Variants in CDH10 observed in about 807,000 individuals in gnomAD.
CDH10 encodes the protein cadherin-10.
In CDH10, 30 loss-of-function variants were observed where a neutral mutation model predicts 73.1. The observed-to-expected ratio is 0.41, with a 90% confidence interval of 0.31 to 0.56. The LOEUF is 0.56. CDH10 is among the 20% of genes least tolerant of loss of function. The pLI, the probability that CDH10 is intolerant of heterozygous loss-of-function variation, is 0.27. For synonymous variants in CDH10, 345 were observed against 348.2 expected, an observed-to-expected ratio of 0.99 and a Z score of 0.10; for missense variants, 815 against 973.7, an observed-to-expected ratio of 0.84 and a Z score of 2.17.
chr5:24,610,434 AT>A (rs1746904977), intron 1 of CDH10, among the ~76,000 whole-genome samples: 1 of 152,100 alleles, frequency 6.6e-6, no homozygotes, highest in Admixed American at 6.6e-5. Context: ...TGCTAATTGT[AT>A]TTGATTAAAT....
At chr5:24,556,868 A>G (rs1468282084) in intron 2 of CDH10, among the ~76,000 whole-genome samples, 1 of 151,892 alleles carries the variant, frequency 6.6e-6, no homozygotes, top group African/African-American at 2.4e-5. Flanking sequence ...ATTATTACAC[A>G]TTCAATTGGT....
At chr5:24,589,656 C>T (rs1746136016) in intron 2 of CDH10, among the ~76,000 whole-genome samples, 4 of 151,814 alleles carry the variant, frequency 2.6e-5, no homozygotes, top group Non-Finnish European at 2.9e-5. Context: ...ATATTTGTTA[C>T]AACTAAAAGT....
rs1193256797 is a variant in CDH10, at chr5:24,509,828, A to T, written c.1003-9T>A. 3.8e-6 allele frequency: 6 copies of T among 1,594,758 alleles called. No individual in the cohort carries two copies. Among genetic ancestry groups the T allele is most frequent in the Non-Finnish European group, 4.3e-6 (5 of 1,171,488 alleles). ...CTCTCATAGTCGAGTGGCTGTATAAAAAAATAAATCATCAAATTAGAGTGA... is the reference window on the plus strand; with the variant it reads ...CTCTCATAGTCGAGTGGCTGTATAATAAAATAAATCATCAAATTAGAGTGA... On this transcript the variant is annotated splice_polypyrimidine_tract_variant and intron_variant, in intron 6 of 11. Transcript: ENST00000264463.
At chr5:24,557,039 A>C (rs1275518643) in intron 2 of CDH10, among the ~76,000 whole-genome samples, 1 of 151,800 alleles carries the variant, frequency 6.6e-6, no homozygotes, top group Non-Finnish European at 1.5e-5. Flanking sequence ...TGCCTAGACA[A>C]ACTCATTTGA....
In CDH10 at chr5:24,487,999, A is replaced by T. The variant is rs2111609207; in HGVS notation, c.2031T>A (p.Asn677Lys). The T allele has an allele frequency of 8.1e-6, 13 of 1,613,878 alleles. No homozygotes were observed. Among genetic ancestry groups the T allele is most frequent in the Non-Finnish European group, 1.0e-5 (12 of 1,179,946 alleles). The change falls in exon 12 of 12, where the codon AAT becomes AAA. Residue 677 changes from asparagine (N) to lysine (K), a missense_variant. Physicochemically the swap from Asn to Lys is moderately conservative, Grantham distance 94 (BLOSUM62 0). Coordinates refer to ENST00000264463, the MANE Select transcript of CDH10 (RefSeq NM_006727.5). ...TQAFDIGTLRNPAAIEEKKLR... is the reference protein window; with the variant it reads ...TQAFDIGTLRKPAAIEEKKLR... ...GCTTTTTTTCCTCAATGGCTGCAGG[A>T]TTCCTCAGGGTGCCGATATCAAAGG...
chr5:24,563,402 GA>G (rs1269028951), intron 2 of CDH10, among the ~76,000 whole-genome samples: 2 of 149,384 alleles, frequency 1.3e-5, no homozygotes, highest in African/African-American at 4.9e-5. Context: ...TCCTCCACTA[GA>G]AAGATTTACA....
chr5:24,585,898 T>C (rs887319534), intron 2 of CDH10, among the ~76,000 whole-genome samples: 3 of 152,196 alleles, frequency 2.0e-5, no homozygotes, highest in African/African-American at 7.2e-5. Context: ...TCTGCTAGAC[T>C]CAGGAAAATC....
intron 2 of CDH10, among the ~76,000 whole-genome samples, chr5:24,573,668 TC>T (rs1745484016): frequency 7.1e-6 from 1 of 139,870 alleles, no homozygotes; most frequent in Admixed American, 7.5e-5. Context: ...GCCACTGCAG[TC>T]CAGCCTGGGC....
At chr5:24,537,137 T>C (rs867879169) in intron 3 of CDH10, among the ~76,000 whole-genome samples, 1 of 151,946 alleles carries the variant, frequency 6.6e-6, no homozygotes, top group Admixed American at 6.6e-5. Flanking sequence ...TTCAATGATA[T>C]TTTCTTGATT....
At chr5:24,593,659 C>A in intron 1 of CDH10, 46 bp from the exon 2 acceptor site, 1 of 547,360 alleles carries the variant, frequency 1.8e-6, no homozygotes, top group East Asian at 3.0e-5. Context: ...ACAACATTAT[C>A]ATTATTACTT....
chr5:24,505,084 T>C (rs1303973934), intron 8 of CDH10, 28 bp downstream of exon 8: 2 of 1,460,550 alleles, frequency 1.4e-6, no homozygotes, highest in Non-Finnish European at 1.9e-6. Flanking sequence ...TATCTAGATA[T>C]ATGTTAGATA....
chr5:24,640,623 C>G (rs1748017735), intron 1 of CDH10, among the ~76,000 whole-genome samples: 1 of 151,438 alleles, frequency 6.6e-6, no homozygotes, highest in South Asian at 2.1e-4. Flanking sequence ...GGATACGAAA[C>G]CCTTTACTGA....
At chr5:24,551,347 C>T (rs978702661) in intron 2 of CDH10, among the ~76,000 whole-genome samples, 7 of 152,120 alleles carry the variant, frequency 4.6e-5, no homozygotes, top group Non-Finnish European at 8.8e-5. Context: ...GACACAGATA[C>T]TTTATATATT....
At chr5:24,585,797 T>G (rs115914730) in intron 2 of CDH10, among the ~76,000 whole-genome samples, 95 of 138,036 alleles carry the variant, frequency 6.9e-4, no homozygotes, top group African/African-American at 2.7e-3. Flanking sequence ...TAGATTTTTG[T>G]TTTTTTCTCT....
At chr5:24,507,988 G>T (rs908685314) in intron 7 of CDH10, among the ~76,000 whole-genome samples, 2 of 152,146 alleles carry the variant, frequency 1.3e-5, no homozygotes, top group Non-Finnish European at 2.9e-5. Flanking sequence ...AGATATCGCA[G>T]ACCCTATAGA....
chr5:24,592,545 T>G (rs951957336), intron 2 of CDH10, among the ~76,000 whole-genome samples: 86 of 151,888 alleles, frequency 5.7e-4, no homozygotes, highest in Admixed American at 5.5e-3. Flanking sequence ...CAACATAGTG[T>G]GTAAAAGCAT....
chr5:24,503,609 C>T (rs1392523061), intron 8 of CDH10, among the ~76,000 whole-genome samples: 1 of 152,070 alleles, frequency 6.6e-6, no homozygotes, highest in African/African-American at 2.4e-5. Context: ...GGTTTGAATC[C>T]ATCAGGTTTT....
rs545908160 is a variant in CDH10 at position 24,542,224 on chromosome 5, G to T, written c.232-4550C>A. Among the ~76,000 whole-genome samples, 18 of 152,148 alleles carry T rather than the reference G, an allele frequency of 1.2e-4. No individual in the cohort carries two copies. In the South Asian group the frequency reaches 3.7e-3, roughly 32 times the overall value. On this transcript the variant is annotated intron_variant, in intron 2 of 11. Coordinates refer to ENST00000264463, the MANE Select transcript of CDH10 (RefSeq NM_006727.5). ...GGAGGAAAAGAATATCCAATCAATTGTTTATCCAGTGGAAATGAAATAAGC... is the reference window on the plus strand; with the variant it reads ...GGAGGAAAAGAATATCCAATCAATTTTTTATCCAGTGGAAATGAAATAAGC...
chr5:24,639,562 T>C (rs888593324), intron 1 of CDH10, among the ~76,000 whole-genome samples: 1 of 151,760 alleles, frequency 6.6e-6, no homozygotes, highest in East Asian at 1.9e-4. Context: ...TTACATATTA[T>C]GCCTACCTCA....
Sources: allele counts gnomAD v4.1 joint callset (sites outside exome capture counted in the v4.1 genomes callset), GRCh38; gene constraint gnomAD v4.1.1; transcripts MANE v1.5; gene names NCBI Gene and HGNC (gene_info 2026-07-23, HGNC 2026-07-21).